SLC2A13: variants seen among roughly 807,000 people sequenced by gnomAD.
SLC2A13 encodes solute carrier family 2 member 13, also known as proton myo-inositol cotransporter.
In SLC2A13, 32 loss-of-function variants were observed where a neutral mutation model predicts 64.4. That is an observed-to-expected ratio of 0.50 (90% confidence interval 0.37 to 0.67). SLC2A13 has a LOEUF of 0.67. SLC2A13 is among the 30% of genes least tolerant of loss of function. The pLI is 0.00. For synonymous variants in SLC2A13, 338 were observed against 327.1 expected (o/e 1.03, Z -0.36); for missense variants, 743 against 829.2 (o/e 0.90, Z 1.28).
chr12:39,817,934 G>C (rs1592166819), intron 7 of SLC2A13, among the ~76,000 whole-genome samples: 2 of 152,144 alleles, frequency 1.3e-5, no homozygotes, highest in African/African-American at 4.8e-5. Context: ...CACATTCCTT[G>C]AACTTGTCTA....
At chr12:39,865,574 A>C (rs1294722422) in intron 5 of SLC2A13, among the ~76,000 whole-genome samples, 1 of 152,224 alleles carries the variant, frequency 6.6e-6, no homozygotes, top group Admixed American at 6.5e-5. Context: ...TAGACATCCT[A>C]ATGGCAAATA....
chr12:39,981,498 C>T (rs1479578472), intron 3 of SLC2A13, among the ~76,000 whole-genome samples: 6 of 149,486 alleles, frequency 4.0e-5, no homozygotes, highest in East Asian at 2.0e-4. Context: ...GGGGATATCA[C>T]CACCGATCCC....
Position 39,922,296 on chromosome 12 carries a change from C to T in SLC2A13, c.1034+28961G>A, listed in dbSNP as rs527896256. On this transcript the variant is annotated intron_variant, in intron 4 of 9. Coordinates refer to ENST00000280871, the MANE Select transcript of SLC2A13 (RefSeq NM_052885.4). ...ACATCTATTGTTTTCTACTCTTGTC[C>T]CTGTGGTTCCAGAAGATAACCCCCA... Among the ~76,000 whole-genome samples the T allele has an allele frequency of 2.6e-5, 4 of 152,112 alleles. No homozygotes were observed. The East Asian group carries it at 7.7e-4, about 29-fold the overall frequency.
intron 1 of SLC2A13, among the ~76,000 whole-genome samples, chr12:40,065,415 T>C (rs572247954): frequency 5.5e-4 from 82 of 150,000 alleles, no homozygotes; most frequent in African/African-American, 1.9e-3. Context: ...AACCTCATCT[T>C]TACAAGAAAA....
intron 6 of SLC2A13, among the ~76,000 whole-genome samples, chr12:39,842,557 A>G (rs1457624964): frequency 6.6e-6 from 1 of 152,080 alleles, no homozygotes; most frequent in Non-Finnish European, 1.5e-5. Context: ...AGTAAAATGG[A>G]GGCAGAAAGT....
At chr12:40,092,220 C>G (rs1201434682) in intron 1 of SLC2A13, among the ~76,000 whole-genome samples, 1 of 152,168 alleles carries the variant, frequency 6.6e-6, no homozygotes, top group African/African-American at 2.4e-5. Context: ...CAAGCCAAGT[C>G]TTCACAGCAT....
At chr12:39,951,414 C>A in intron 3 of SLC2A13, 49 bp from the exon 4 acceptor site, 1 of 1,449,096 alleles carries the variant, frequency 6.9e-7, no homozygotes, top group Non-Finnish European at 9.2e-7. Flanking sequence ...ATTTTTAGCT[C>A]TCATAGTAAT....
At chr12:39,793,282 A>G (rs1414340682) in intron 7 of SLC2A13, among the ~76,000 whole-genome samples, 1 of 152,154 alleles carries the variant, frequency 6.6e-6, no homozygotes, top group African/African-American at 2.4e-5. Context: ...CTGACAAAAG[A>G]CGTGCAAAAT....
At chr12:40,101,779 C>T (rs192728321) in intron 1 of SLC2A13, among the ~76,000 whole-genome samples, 6 of 151,954 alleles carry the variant, frequency 3.9e-5, no homozygotes, top group Non-Finnish European at 8.8e-5. Flanking sequence ...ATTAACTCCA[C>T]CTTAAATGCC....
intron 7 of SLC2A13, among the ~76,000 whole-genome samples, chr12:39,799,065 GTTT>G (rs1037562150): frequency 5.4e-5 from 7 of 129,202 alleles, no homozygotes; most frequent in Admixed American, 7.8e-5. Flanking sequence ...TACTGTTCTG[GTTT>G]TTTTTTTTTT....
intron 4 of SLC2A13, among the ~76,000 whole-genome samples, chr12:39,879,088 T>C (rs781116605): frequency 1.3e-5 from 2 of 152,278 alleles, no homozygotes; most frequent in Non-Finnish European, 1.5e-5. Flanking sequence ...TGCTGTCTTC[T>C]ACATGGTGTT....
At chr12:40,026,724 A>G (rs1246382395) in intron 3 of SLC2A13, among the ~76,000 whole-genome samples, 1 of 152,300 alleles carries the variant, frequency 6.6e-6, no homozygotes, top group Non-Finnish European at 1.5e-5. Flanking sequence ...CTTACTCTGA[A>G]AAGTTTTTCC....
At chr12:40,057,335 T>C (rs1173122263) in intron 1 of SLC2A13, among the ~76,000 whole-genome samples, 1 of 152,108 alleles carries the variant, frequency 6.6e-6, no homozygotes, top group African/African-American at 2.4e-5. Context: ...GTGCTAAAGC[T>C]GGAAACATCC....
intron 3 of SLC2A13, among the ~76,000 whole-genome samples, chr12:40,004,612 ATTT>A (rs34482120): frequency 6.9e-6 from 1 of 145,016 alleles, no homozygotes; most frequent in Non-Finnish European, 1.5e-5. Flanking sequence ...TAAAGGACAG[ATTT>A]TTTTTTTTTT....
intron 7 of SLC2A13, among the ~76,000 whole-genome samples, chr12:39,785,190 C>T (rs769390117): frequency 1.1e-4 from 16 of 152,112 alleles, no homozygotes; most frequent in South Asian, 2.1e-4. Context: ...ATCACAGGAC[C>T]GGAGGCCCAG....
At chr12:39,884,538 G>T (rs144554699) in intron 4 of SLC2A13, among the ~76,000 whole-genome samples, 1 of 152,126 alleles carries the variant, frequency 6.6e-6, no homozygotes. Flanking sequence ...GTCTCAATAA[G>T]ATGCAATTAA....
At chr12:39,806,130 A>C (rs1188056271) in intron 7 of SLC2A13, among the ~76,000 whole-genome samples, 1 of 152,232 alleles carries the variant, frequency 6.6e-6, no homozygotes, top group Admixed American at 6.5e-5. Context: ...AAGTTTCACA[A>C]GAGCTTCCGA....
intron 4 of SLC2A13, among the ~76,000 whole-genome samples, chr12:39,937,460 G>A (rs529808940): frequency 6.6e-6 from 1 of 152,154 alleles, no homozygotes; most frequent in Non-Finnish European, 1.5e-5. Context: ...TTGGGGACAA[G>A]GTTCTGCTTT....
intron 3 of SLC2A13, among the ~76,000 whole-genome samples, chr12:40,021,301 T>C (rs542193099): frequency 1.3e-5 from 2 of 152,326 alleles, no homozygotes; most frequent in South Asian, 4.1e-4. Context: ...CAAGAATGAT[T>C]CCAATTCTGC....
Sources: gnomAD v4.1 joint callset for allele counts (sites outside exome capture counted in the v4.1 genomes callset) on GRCh38, gnomAD v4.1.1 for gene constraint, MANE v1.5 for transcripts, NCBI Gene and HGNC (gene_info 2026-07-23, HGNC 2026-07-21) for gene names.